Variants in MGAM2 observed in about 807,000 individuals in gnomAD.
MGAM2 encodes the protein probable maltase-glucoamylase 2.
A neutral mutation model predicts 96.1 loss-of-function variants in MGAM2; 98 were observed. The ratio of observed to expected loss-of-function variants is 1.02; its 90% CI spans 0.87 to 1.21. The LOEUF is 1.21. MGAM2 is among the 50% of genes most tolerant of loss of function. The pLI, the probability that MGAM2 is intolerant of heterozygous loss-of-function variation, is 0.00. For synonymous variants in MGAM2, 749 were observed against 414.8 expected, an observed-to-expected ratio of 1.81 and a Z score of -9.79; for missense variants, 2,055 against 1,182.4, an observed-to-expected ratio of 1.74 and a Z score of -10.82.
intron 32 of MGAM2, among the ~76,000 whole-genome samples, chr7:142,181,754 C>T (rs4478494): frequency 0.19 from 28,743 of 152,026 alleles, 3,004 homozygotes; most frequent in East Asian, 0.34. Flanking sequence ...GATCTGTTGA[C>T]GCAGTGGGTC....
chr7:142,189,203 T>TA (rs1213692142), intron 36 of MGAM2, among the ~76,000 whole-genome samples, 164 bp from the exon 37 acceptor site: 2 of 152,328 alleles, frequency 1.3e-5, no homozygotes, highest in South Asian at 4.1e-4. Context: ...TCATTAGTTA[T>TA]AAAGACACAG....
intron 3 of MGAM2, among the ~76,000 whole-genome samples, chr7:142,128,023 C>A (rs1794778074): frequency 6.6e-6 from 1 of 152,144 alleles, no homozygotes; most frequent in Non-Finnish European, 1.5e-5. Context: ...TTGGAACTTC[C>A]TTGAGACTTG....
In MGAM2 at chr7:142,197,508, C is replaced by G. The variant is rs1291699650; in HGVS notation, c.4741C>G (p.His1581Asp). The G allele has an allele frequency of 1.4e-6, 1 of 703,156 alleles. No homozygotes were observed. Among genetic ancestry groups the G allele is most frequent in the Admixed American group, 2.0e-5 (1 of 50,020 alleles). The allele number at this position is 703,156 out of a possible 1,614,324, so 43.6% of individuals were successfully genotyped here. The change falls in exon 41 of 48, where the codon CAC (histidine) becomes GAC (aspartate). Residue 1581 changes from histidine (H) to aspartate (D), a missense_variant. His to Asp is a moderately conservative substitution (Grantham distance 81, BLOSUM62 -1). Transcript: ENST00000477922. ...PYLYTLMHKA[H>D]VEGSTVVRPL... ...TCTCTATACTCTGATGCATAAAGCTCACGTTGAGGGCAGCACAGTTGTCCG... is the reference window on the plus strand; with the variant it reads ...TCTCTATACTCTGATGCATAAAGCTGACGTTGAGGGCAGCACAGTTGTCCG...
chr7:142,218,440 G>T lies in MGAM2; in HGVS notation c.5267G>T (p.Trp1756Leu), dbSNP rs143730054. The T allele has an allele frequency of 1.4e-4, 99 of 702,590 alleles. No individual in the cohort carries two copies. The African/African-American group carries it at 1.6e-3, about 11-fold the overall frequency. 43.5% of individuals were successfully genotyped at this position (702,590 alleles called of 1,614,324 possible). ...CTAAAAGTTGGGTATATTAGAATCT[G>T]GGGTGTGAATACCTATGTGACACAA... Reference protein sequence around the residue: ...NPLKVGYIRIWGVNTYVTQVS... With the variant: ...NPLKVGYIRILGVNTYVTQVS... Residue 1756 changes from tryptophan to leucine, a missense_variant, in exon 47 of 48, where the codon TGG becomes TTG. By Grantham distance (61) the Trp-to-Leu change is moderately conservative. Coordinates refer to ENST00000477922, the MANE Select transcript of MGAM2 (RefSeq NM_001293626.2).
intron 3 of MGAM2, among the ~76,000 whole-genome samples, chr7:142,127,022 G>A (rs1794750543): frequency 6.6e-6 from 1 of 152,222 alleles, no homozygotes; most frequent in Non-Finnish European, 1.5e-5. Flanking sequence ...GGTGGTATCT[G>A]TCTTCCTGTC....
intron 3 of MGAM2, among the ~76,000 whole-genome samples, chr7:142,127,840 G>A (rs1239566353): frequency 2.0e-5 from 3 of 152,128 alleles, no homozygotes; most frequent in African/African-American, 2.4e-5. Flanking sequence ...CACAGTCTTG[G>A]GTATGTCTCT....
chr7:142,212,779 G>T (rs1349873473), intron 46 of MGAM2, among the ~76,000 whole-genome samples: 1 of 152,042 alleles, frequency 6.6e-6, no homozygotes, highest in African/African-American at 2.4e-5. Context: ...AGATCAACAA[G>T]ACAGAAAATT....
At chr7:142,155,135 A>C (rs1795700181) in intron 17 of MGAM2, among the ~76,000 whole-genome samples, 1 of 152,222 alleles carries the variant, frequency 6.6e-6, no homozygotes, top group Non-Finnish European at 1.5e-5. Flanking sequence ...TATATAGGAT[A>C]GGACAATTGG....
chr7:142,190,836 AATT>A (rs1408598378), intron 37 of MGAM2, among the ~76,000 whole-genome samples: 4 of 151,618 alleles, frequency 2.6e-5, no homozygotes, highest in Admixed American at 1.3e-4. Flanking sequence ...CATTTTTTTT[AATT>A]ATTATTGAGT....
chr7:142,126,131 A>G (rs1794727387), intron 3 of MGAM2, among the ~76,000 whole-genome samples: 1 of 152,070 alleles, frequency 6.6e-6, no homozygotes, highest in Non-Finnish European at 1.5e-5. Flanking sequence ...AGTTGAGATT[A>G]CCATATGATT....
At chr7:142,217,213 T>C (rs1797790466) in intron 46 of MGAM2, among the ~76,000 whole-genome samples, 1 of 152,206 alleles carries the variant, frequency 6.6e-6, no homozygotes, top group South Asian at 2.1e-4. Flanking sequence ...ACCCTTGTAT[T>C]GATACTTAAA....
chr7:142,217,100 A>C (rs1200872927), intron 46 of MGAM2, among the ~76,000 whole-genome samples: 1 of 152,068 alleles, frequency 6.6e-6, no homozygotes, highest in African/African-American at 2.4e-5. Context: ...TCTTCCTCCC[A>C]TGTAATTTTT....
intron 46 of MGAM2, among the ~76,000 whole-genome samples, chr7:142,215,090 G>C (rs1585226889): frequency 6.6e-6 from 1 of 152,106 alleles, no homozygotes; most frequent in African/African-American, 2.4e-5. Flanking sequence ...AGAAAATGTG[G>C]CACATATATA....
intron 3 of MGAM2, among the ~76,000 whole-genome samples, chr7:142,126,021 T>A (rs141861625): frequency 6.6e-6 from 1 of 152,168 alleles, no homozygotes; most frequent in Non-Finnish European, 1.5e-5. Context: ...ATTTATTTTG[T>A]TTTAACGAAA....
chr7:142,183,170 C>T, intron 32 of MGAM2, 96 bp from the exon 33 acceptor site: 19 of 594,430 alleles, frequency 3.2e-5, no homozygotes, highest in East Asian at 5.7e-5. Flanking sequence ...TGAGATTCAC[C>T]ATTTCCTTCT....
chr7:142,222,204 C>A lies in MGAM2; in HGVS notation c.*145C>A. On this transcript the variant is annotated 3_prime_UTR_variant, in exon 48 of 48. Transcript: ENST00000477922. The stretch of plus-strand genomic sequence containing the variant: ...AGTACTCTAGCCATAAAAGACACAG[C>A]TACTCCAAACACTCTCGTCATTGCA... 2.5e-6 allele frequency: 1 copy of A among 395,022 alleles called. No homozygotes were observed. The highest frequency in any genetic ancestry group is 2.1e-5 in the African/African-American group (1 of 48,666). 24.5% of individuals were successfully genotyped at this position (395,022 alleles called of 1,614,324 possible). A position where few individuals can be genotyped will look rare whatever the true frequency, so the allele number is the denominator to read the frequency against.
At chr7:142,125,605 T>A (rs999948058) in intron 3 of MGAM2, among the ~76,000 whole-genome samples, 1 of 152,272 alleles carries the variant, frequency 6.6e-6, no homozygotes, top group African/African-American at 2.4e-5. Context: ...GACAGGAATG[T>A]CAATTAGATT....
chr7:142,208,420 C>T (rs1005621644), intron 45 of MGAM2, 153 bp from the exon 46 acceptor site: 44 of 653,966 alleles, frequency 6.7e-5, no homozygotes, highest in Middle Eastern at 2.4e-4. Flanking sequence ...GTGAAATAGT[C>T]TCTTAGCCAC....
At chr7:142,152,815 G>A (rs1795618154) in intron 15 of MGAM2, among the ~76,000 whole-genome samples, 1 of 151,770 alleles carries the variant, frequency 6.6e-6, no homozygotes, top group East Asian at 1.9e-4. Context: ...TACCACAGGG[G>A]GGAAAAAAGA....
Sources: allele counts gnomAD v4.1 joint callset (sites outside exome capture counted in the v4.1 genomes callset), GRCh38; gene constraint gnomAD v4.1.1; transcripts MANE v1.5; gene names NCBI Gene and HGNC (gene_info 2026-07-23, HGNC 2026-07-21).